SOX6: variants seen among roughly 807,000 people sequenced by gnomAD.
The protein encoded by SOX6 is transcription factor SOX-6.
In SOX6, 11 loss-of-function variants were observed where a neutral mutation model predicts 97.8. The observed-to-expected ratio is 0.11, with a 90% CI of 0.07 to 0.19. SOX6 has a LOEUF of 0.19. SOX6 is among the 10% of genes least tolerant of loss of function. The probability of loss-of-function intolerance (pLI) is 1.00; values close to 1 mark genes in which losing one functional copy is unlikely to be tolerated. For missense variants in SOX6, 810 were observed against 1,039.5 expected (o/e 0.78, Z 3.04); for synonymous variants, 360 against 371.4 (o/e 0.97, Z 0.35).
At chr11:16,136,367 A>G (rs1849963672) in intron 6 of SOX6, among the ~76,000 whole-genome samples, 2 of 138,530 alleles carry the variant, frequency 1.4e-5, no homozygotes, top group Admixed American at 7.6e-5. Context: ...TTTTTTTGAC[A>G]TAATGCAATT....
At chr11:16,430,330 G>A (rs1251414542) in intron 1 of SOX6, among the ~76,000 whole-genome samples, 1 of 152,012 alleles carries the variant, frequency 6.6e-6, no homozygotes, top group East Asian at 1.9e-4. Context: ...TGTTTATTTG[G>A]TTGTTCATTC....
At chr11:16,169,410 C>T (rs151327175) in intron 6 of SOX6, among the ~76,000 whole-genome samples, 9 of 152,020 alleles carry the variant, frequency 5.9e-5, no homozygotes, top group Non-Finnish European at 7.4e-5. Flanking sequence ...AGGAAAAGTA[C>T]AGAAATTTAA....
chr11:16,169,593 T>C (rs1589992496), intron 6 of SOX6, among the ~76,000 whole-genome samples: 1 of 152,030 alleles, frequency 6.6e-6, no homozygotes, highest in African/African-American at 2.4e-5. Context: ...CTTCTAGAAA[T>C]TGAAACAAAC....
At chr11:16,287,266 TC>T (rs1427652230) in intron 3 of SOX6, among the ~76,000 whole-genome samples, 7 of 2,224 alleles carry the variant, frequency 3.1e-3, no homozygotes, top group African/African-American at 6.2e-3. Flanking sequence ...TGTCTCTCTC[TC>T]TCTCTCTCTC....
chr11:16,171,452 T>A (rs1198299098), intron 6 of SOX6, among the ~76,000 whole-genome samples: 1 of 152,016 alleles, frequency 6.6e-6, no homozygotes, highest in East Asian at 1.9e-4. Flanking sequence ...GGTACACGTG[T>A]CTGGTTATTA....
At chr11:16,181,976 A>T (rs1466998460) in intron 6 of SOX6, among the ~76,000 whole-genome samples, 4 of 151,932 alleles carry the variant, frequency 2.6e-5, no homozygotes, top group Admixed American at 1.3e-4. Flanking sequence ...AACTTGAAAA[A>T]CATTACTCCT....
chr11:16,247,016 T>C (rs1274993085), intron 3 of SOX6, among the ~76,000 whole-genome samples: 3 of 152,174 alleles, frequency 2.0e-5, no homozygotes, highest in African/African-American at 4.8e-5. Context: ...TTTCATTATA[T>C]ATATTTTTGT....
At chr11:16,212,647 C>T (rs1160886572) in intron 4 of SOX6, among the ~76,000 whole-genome samples, 1 of 152,124 alleles carries the variant, frequency 6.6e-6, no homozygotes, top group Admixed American at 6.6e-5. Context: ...GCATCTTCAA[C>T]TTTGCTAGAT....
chr11:16,520,642 A>G (rs1334965299), intron 4 of SOX6, among the ~76,000 whole-genome samples: 2 of 152,228 alleles, frequency 1.3e-5, no homozygotes, highest in Non-Finnish European at 2.9e-5. Context: ...CAGTGGGTGC[A>G]GCACAACATG....
At chr11:16,165,199 T>C (rs1483840841) in intron 6 of SOX6, among the ~76,000 whole-genome samples, 1 of 152,204 alleles carries the variant, frequency 6.6e-6, no homozygotes, top group African/African-American at 2.4e-5. Flanking sequence ...CCCTTGATGT[T>C]GATAGAGCTA....
intron 2 of SOX6, among the ~76,000 whole-genome samples, chr11:16,331,916 T>C (rs1455424445): frequency 6.6e-6 from 1 of 152,136 alleles, no homozygotes; most frequent in Non-Finnish European, 1.5e-5. Context: ...ATTTTCTCTC[T>C]GGAAAGAAAA....
At chr11:16,259,945 A>ATATG (rs3059123) in intron 3 of SOX6, among the ~76,000 whole-genome samples, 55,075 of 149,038 alleles carry the variant, frequency 0.37, 10,619 homozygotes, top group East Asian at 0.43. Context: ...TGTCCCAAAT[A>ATATG]TGTGTGTGTG....
intron 4 of SOX6, among the ~76,000 whole-genome samples, chr11:16,222,255 C>G (rs1408001663): frequency 6.6e-6 from 1 of 152,084 alleles, no homozygotes; most frequent in Non-Finnish European, 1.5e-5. Flanking sequence ...AAATTTGTTT[C>G]ATGTTACTAT....
At position 16,495,139 on chromosome 11, in the gene SOX6, C is replaced by A. The variant is rs193067986; in HGVS notation, n.610-18751G>T. Among the ~76,000 whole-genome samples the A allele has an allele frequency of 3.9e-4, 60 of 152,228 alleles. 1 individual carries two copies. The highest frequency in any genetic ancestry group is 6.8e-3 in the Middle Eastern group (2 of 294). The stretch of plus-strand genomic sequence containing the variant: ...CTGGCAACAATCCCACCATTCCTAG[C>A]AGCAGGGCCATAGTTCATTTACAAC... On this transcript the variant is annotated intron_variant and non_coding_transcript_variant, in intron 4 of 5. Coordinates refer to the SOX6 transcript ENST00000524520.
chr11:15,986,704 C>A (rs549176310), intron 14 of SOX6, among the ~76,000 whole-genome samples: 1 of 152,296 alleles, frequency 6.6e-6, no homozygotes, highest in Admixed American at 6.5e-5. Flanking sequence ...ACACCAAGGT[C>A]TTTCCCCATC....
intron 4 of SOX6, among the ~76,000 whole-genome samples, chr11:16,554,002 G>A (rs10832644): frequency 2.0e-5 from 3 of 151,902 alleles, no homozygotes; most frequent in Non-Finnish European, 4.4e-5. Flanking sequence ...AAAGTGGTAG[G>A]CCCTACTAGG....
At chr11:16,621,319 T>C (rs1013018008) in intron 3 of SOX6, among the ~76,000 whole-genome samples, 3 of 152,132 alleles carry the variant, frequency 2.0e-5, no homozygotes, top group Non-Finnish European at 2.9e-5. Context: ...CTTCCAAATG[T>C]ATAGGTGTGG....
chr11:16,204,121 A>C (rs963680388), intron 4 of SOX6, among the ~76,000 whole-genome samples: 1 of 152,128 alleles, frequency 6.6e-6, no homozygotes, highest in African/African-American at 2.4e-5. Flanking sequence ...GTCAATTAAA[A>C]AAAAAACACC....
intron 9 of SOX6, among the ~76,000 whole-genome samples, chr11:16,067,857 C>T (rs954929952): frequency 6.6e-6 from 1 of 152,102 alleles, no homozygotes; most frequent in African/African-American, 2.4e-5. Context: ...CCTTCAAATA[C>T]TACCTTCCTA....
Sources: gnomAD v4.1 joint callset for allele counts (sites outside exome capture counted in the v4.1 genomes callset) on GRCh38, gnomAD v4.1.1 for gene constraint, MANE v1.5 for transcripts, NCBI Gene and HGNC (gene_info 2026-07-23, HGNC 2026-07-21) for gene names.